The following KIRREL1 variants were observed in gnomAD, a reference collection of about 807,000 sequenced individuals.
The protein encoded by KIRREL1 is kirre like nephrin family adhesion molecule 1.
A neutral mutation model predicts 83.3 loss-of-function variants in KIRREL1; 25 were observed. The observed-to-expected ratio is 0.30, with a 90% CI of 0.22 to 0.42. The LOEUF (loss-of-function observed/expected upper bound fraction) is 0.42, where lower values mean the gene tolerates loss of function less well. Among genes scored for constraint, KIRREL1 ranks in the 10% least tolerant of loss-of-function variants. The pLI is 1.00. For missense variants in KIRREL1, 812 were observed against 1,032.3 expected (o/e 0.79, Z 2.92); for synonymous variants, 388 against 410.4 (o/e 0.95, Z 0.66).
intron 1 of KIRREL1, among the ~76,000 whole-genome samples, chr1:158,019,455 G>A (rs958907330): frequency 1.2e-4 from 18 of 152,166 alleles, no homozygotes; most frequent in African/African-American, 4.3e-4. Flanking sequence ...TACTCTTTGG[G>A]TGATTGAGAG....
chr1:158,091,362 G>A lies in KIRREL1; in HGVS notation c.1277G>A (p.Trp426Ter). ...GSTPPPDRIAWAWKENFLEVG... is the reference protein window; with the variant it reads ...GSTPPPDRIA ...TTCCTTCCCTCTCCACCACAGGCAT[G>A]GGCCTGGAAGGAGAACTTCTTGGAG... is the stretch of plus-strand genomic sequence containing the variant. Residue 426 changes from tryptophan to a stop codon, truncating the protein, a stop_gained, in exon 11 of 15, where the codon TGG becomes TAG. Coordinates refer to ENST00000359209, the MANE Select transcript of KIRREL1 (RefSeq NM_018240.7). LOFTEE classifies it high-confidence loss of function. The A allele has an allele frequency of 6.2e-7, 1 of 1,613,348 alleles. No individual in the cohort carries two copies. The highest frequency in any genetic ancestry group is 2.2e-5 in the East Asian group (1 of 44,874).
chr1:158,064,478 G>T (rs191365316), intron 1 of KIRREL1, among the ~76,000 whole-genome samples: 1 of 152,136 alleles, frequency 6.6e-6, no homozygotes, highest in African/African-American at 2.4e-5. Flanking sequence ...AAAATTTATG[G>T]TGTGTAAATA....
At chr1:158,029,337 C>CTGTGTGTGTGTGTGTGTGTTTG (rs1660254350) in intron 1 of KIRREL1, among the ~76,000 whole-genome samples, 1 of 69,262 alleles carries the variant, frequency 1.4e-5, no homozygotes, top group Non-Finnish European at 3.4e-5. Context: ...TAACAAAAAC[C>CTGTGTGTGTGTGTGTGTGTTTG]TGTGTGTGTG....
intron 1 of KIRREL1, among the ~76,000 whole-genome samples, chr1:158,028,084 C>T (rs770273046): frequency 2.6e-5 from 4 of 152,178 alleles, no homozygotes; most frequent in Non-Finnish European, 5.9e-5. Context: ...CTACCATGTC[C>T]CTGAGGTAGG....
chr1:158,077,653 C>G (rs549581192), intron 2 of KIRREL1, among the ~76,000 whole-genome samples: 1 of 152,338 alleles, frequency 6.6e-6, no homozygotes, highest in East Asian at 1.9e-4. Flanking sequence ...CACACTCGCT[C>G]TCCCTCTCTC....
intron 1 of KIRREL1, among the ~76,000 whole-genome samples, chr1:158,011,799 A>G (rs565401270): frequency 5.3e-5 from 8 of 152,302 alleles, no homozygotes; most frequent in African/African-American, 1.9e-4. Context: ...CTGGAGGAGA[A>G]GCAGGAGGCC....
chr1:158,094,973 C>T lies in KIRREL1; in HGVS notation c.2127C>T (p.Pro709=), dbSNP rs1662314538. 2 of 1,613,924 alleles carry T rather than the reference C, an allele frequency of 1.2e-6. No homozygotes were observed. Among genetic ancestry groups the T allele is most frequent in the Non-Finnish European group, 8.5e-7 (1 of 1,180,000 alleles). The change falls in exon 15 of 15, where the codon CCC becomes CCT. Residue 709 remains proline (P), a synonymous_variant. Transcript: ENST00000359209. This position sits in a 1 kb window ranked among gnomAD's most constrained non-coding sequence, Gnocchi z 4.6. ...ACCCCACCTACCGACTGGGCTACCCCCAGGCCCCACCCTCTGGCCTGGAGC... is the reference window on the plus strand; with the variant it reads ...ACCCCACCTACCGACTGGGCTACCCTCAGGCCCCACCCTCTGGCCTGGAGC... ...AGYPTYRLGY[P]QAPPSGLERT...
At chr1:158,049,726 G>A (rs3892181) in intron 1 of KIRREL1, among the ~76,000 whole-genome samples, 2,629 of 152,232 alleles carry the variant, frequency 0.017, 75 homozygotes, top group African/African-American at 0.06. Context: ...TAAGCAAAGC[G>A]ACAGGGTGGA....
At chr1:158,037,489 CAAAA>C (rs759200504) in intron 1 of KIRREL1, among the ~76,000 whole-genome samples, 1 of 44,034 alleles carries the variant, frequency 2.3e-5, no homozygotes, top group African/African-American at 8.0e-5. Flanking sequence ...AAGACTCTGG[CAAAA>C]AAAAAAAAAA....
At chr1:158,014,688 G>T (rs1170641287) in intron 1 of KIRREL1, among the ~76,000 whole-genome samples, 5 of 149,666 alleles carry the variant, frequency 3.3e-5, no homozygotes, top group Non-Finnish European at 7.4e-5. Flanking sequence ...TATGGGGGGG[G>T]GGGGGCGGGG....
chr1:158,069,343 T>A (rs1350845795), intron 1 of KIRREL1, among the ~76,000 whole-genome samples: 3 of 146,582 alleles, frequency 2.0e-5, no homozygotes, highest in Non-Finnish European at 3.0e-5. Flanking sequence ...TGTGTGTGTG[T>A]GAATCTAAGC....
intron 1 of KIRREL1, among the ~76,000 whole-genome samples, chr1:158,036,922 C>G (rs1476913580): frequency 2.0e-5 from 3 of 152,158 alleles, no homozygotes; most frequent in Non-Finnish European, 4.4e-5. Context: ...CTTTAATCAG[C>G]CAGAGGAGCC....
chr1:158,086,564 T>G, intron 4 of KIRREL1, 32 bp from the exon 5 acceptor site: 2 of 1,548,024 alleles, frequency 1.3e-6, no homozygotes, highest in Non-Finnish European at 1.7e-6. Context: ...GCTTTTAGCT[T>G]AACCATATCT....
chr1:158,071,794 G>A (rs1349763121), intron 1 of KIRREL1, among the ~76,000 whole-genome samples: 2 of 152,082 alleles, frequency 1.3e-5, no homozygotes, highest in East Asian at 1.9e-4. Context: ...GATGGTGGAC[G>A]GCCAGGCAAC....
intron 1 of KIRREL1, among the ~76,000 whole-genome samples, chr1:158,060,778 C>G (rs74120542): frequency 0.017 from 2,535 of 152,218 alleles, 83 homozygotes; most frequent in African/African-American, 0.058. Flanking sequence ...ATGCTGGAGT[C>G]GGGGCTTGAA....
intron 1 of KIRREL1, among the ~76,000 whole-genome samples, chr1:158,063,858 C>T (rs890799607): frequency 2.0e-5 from 3 of 152,168 alleles, no homozygotes; most frequent in Admixed American, 6.5e-5. Flanking sequence ...CCATCATGGC[C>T]GCTGTCGCAC....
chr1:158,059,453 A>G (rs1350058365), intron 1 of KIRREL1, among the ~76,000 whole-genome samples: 1 of 152,162 alleles, frequency 6.6e-6, no homozygotes, highest in Admixed American at 6.5e-5. Flanking sequence ...AGGGGCCAAC[A>G]TGTCCACCCT....
intron 3 of KIRREL1, among the ~76,000 whole-genome samples, chr1:158,079,538 C>A (rs181706566): frequency 1.3e-5 from 2 of 152,240 alleles, no homozygotes; most frequent in African/African-American, 2.4e-5. Flanking sequence ...CCAGGCTGGT[C>A]TCGAAATCCT....
intron 3 of KIRREL1, among the ~76,000 whole-genome samples, chr1:158,081,992 T>G (rs898486960): frequency 6.6e-6 from 1 of 152,176 alleles, no homozygotes; most frequent in Non-Finnish European, 1.5e-5. Flanking sequence ...TAGAGGGGCC[T>G]GAGCAGACCA....
Sources: allele counts gnomAD v4.1 joint callset (sites outside exome capture counted in the v4.1 genomes callset), GRCh38; gene constraint gnomAD v4.1.1; non-coding constraint Gnocchi (gnomAD v3.1); transcripts MANE v1.5; gene names NCBI Gene and HGNC (gene_info 2026-07-23, HGNC 2026-07-21).